CA10: variants seen among roughly 807,000 people sequenced by gnomAD.
The protein encoded by CA10 is carbonic anhydrase-related protein 10.
In CA10, 14 loss-of-function variants were observed where a neutral mutation model predicts 44.2. That is an observed-to-expected ratio of 0.32 (90% CI 0.21 to 0.50). The LOEUF is 0.50. Ranked by LOEUF, CA10 falls within the 20% of genes least tolerant of loss-of-function variation. The pLI is 0.99. For missense variants in CA10, 350 were observed against 409.7 expected (o/e 0.85, Z 1.26); for synonymous variants, 159 against 141.6 (o/e 1.12, Z -0.87).
At chr17:51,839,429 C>G (rs1015799359) in intron 3 of CA10, among the ~76,000 whole-genome samples, 1 of 129,806 alleles carries the variant, frequency 7.7e-6, no homozygotes, top group South Asian at 2.6e-4. Context: ...GGAGGCGGAG[C>G]TTGCAGTGAG....
intron 1 of CA10, among the ~76,000 whole-genome samples, chr17:52,083,839 A>C (rs1988047718): frequency 6.6e-6 from 1 of 152,034 alleles, no homozygotes. Flanking sequence ...TTGATTCCAT[A>C]TCTTTGCTAT....
intron 6 of CA10, among the ~76,000 whole-genome samples, chr17:51,642,976 T>C (rs2143243176): frequency 6.6e-6 from 1 of 152,216 alleles, no homozygotes; most frequent in Non-Finnish European, 1.5e-5. Context: ...TTTGTGATCG[T>C]TTGGATTCTT....
chr17:51,969,281 A>G (rs955649113), intron 2 of CA10, among the ~76,000 whole-genome samples: 9 of 152,012 alleles, frequency 5.9e-5, no homozygotes, highest in Non-Finnish European at 1.0e-4. Flanking sequence ...GATGCTTTAC[A>G]TATGCCACCA....
At chr17:51,675,563 A>AT (rs1239513150) in intron 4 of CA10, among the ~76,000 whole-genome samples, 1 of 150,944 alleles carries the variant, frequency 6.6e-6, no homozygotes, top group East Asian at 1.9e-4. Flanking sequence ...AAAAAAAAAA[A>AT]AAATTAGCCA....
rs529708029 is a variant in CA10 at position 52,056,672 on chromosome 17, T to C, written c.136+15647A>G. Among the ~76,000 whole-genome samples, 8 of 151,924 alleles carry C rather than the reference T, an allele frequency of 5.3e-5. No homozygotes were observed. In the South Asian group the frequency reaches 1.5e-3, roughly 28 times the overall value. ...AGTTATAGTCTTCCTGTCTTTGATT[T>C]TCTTCTGCTTGACAAAAAGGAATAA... On this transcript the variant is annotated intron_variant, in intron 2 of 8. Coordinates refer to ENST00000451037, the MANE Select transcript of CA10 (RefSeq NM_020178.5).
chr17:51,721,482 G>C (rs949219482), intron 4 of CA10, among the ~76,000 whole-genome samples: 1 of 151,796 alleles, frequency 6.6e-6, no homozygotes. Context: ...TTACACAGGC[G>C]CCTGCCACCA....
Position 51,920,354 on chromosome 17 carries a change from G to A in CA10, c.279+10636C>T, listed in dbSNP as rs537713376. 6.6e-5 allele frequency among the ~76,000 whole-genome samples: 10 copies of A among 152,004 alleles called. No individual in the cohort carries two copies. In the South Asian group the frequency reaches 2.1e-3, roughly 32 times the overall value. On this transcript the variant is annotated intron_variant, in intron 3 of 8. Transcript: ENST00000451037. Reference sequence around the variant, plus strand: ...AAGAAGGACAGGGAAAGAGACACAGGGAAATGATGAAAGGGAGGGAGGAGG... The same window carrying A: ...AAGAAGGACAGGGAAAGAGACACAGAGAAATGATGAAAGGGAGGGAGGAGG...
At chr17:52,042,894 T>A (rs1986810883) in intron 2 of CA10, among the ~76,000 whole-genome samples, 3 of 152,068 alleles carry the variant, frequency 2.0e-5, no homozygotes, top group Admixed American at 2.0e-4. Context: ...TTATCAAAGA[T>A]GCGTTGAGTG....
intron 3 of CA10, among the ~76,000 whole-genome samples, chr17:51,883,297 A>G (rs1980458527): frequency 6.6e-6 from 1 of 151,786 alleles, no homozygotes; most frequent in African/African-American, 2.4e-5. Context: ...CTCTGTGTAT[A>G]CTCAATGTTC....
intron 1 of CA10, among the ~76,000 whole-genome samples, chr17:52,096,570 C>T (rs1439857208): frequency 6.6e-6 from 1 of 152,148 alleles, no homozygotes; most frequent in Non-Finnish European, 1.5e-5. Flanking sequence ...AGAATTACTA[C>T]ATATCAGATT....
At chr17:51,633,337 C>T (rs769214416) in intron 8 of CA10, 139 bp downstream of exon 8, 4 of 832,756 alleles carry the variant, frequency 4.8e-6, no homozygotes, top group Non-Finnish European at 7.4e-6. Flanking sequence ...CATCACCATG[C>T]AAATGGAGTG....
intron 3 of CA10, among the ~76,000 whole-genome samples, chr17:51,801,278 A>G (rs753222315): frequency 3.3e-5 from 5 of 152,274 alleles, no homozygotes; most frequent in African/African-American, 4.8e-5. Context: ...ACTAACGGAC[A>G]ATAGGATGCA....
chr17:51,681,396 G>A (rs927058324), intron 4 of CA10, among the ~76,000 whole-genome samples: 1 of 152,130 alleles, frequency 6.6e-6, no homozygotes, highest in African/African-American at 2.4e-5. Flanking sequence ...AAAATTAGAG[G>A]GGAACCAATT....
At chr17:51,860,493 G>T (rs1979254854) in intron 3 of CA10, among the ~76,000 whole-genome samples, 1 of 152,204 alleles carries the variant, frequency 6.6e-6, no homozygotes. Flanking sequence ...ATTCCATGCT[G>T]CAGATATGCA....
chr17:51,965,966 C>T (rs1984063458), intron 2 of CA10, among the ~76,000 whole-genome samples: 1 of 151,862 alleles, frequency 6.6e-6, no homozygotes, highest in Non-Finnish European at 1.5e-5. Flanking sequence ...ACCTATAAAA[C>T]CCTAAAGACT....
intron 2 of CA10, among the ~76,000 whole-genome samples, chr17:52,061,938 G>A (rs555698360): frequency 6.6e-6 from 1 of 152,124 alleles, no homozygotes; most frequent in East Asian, 1.9e-4. Flanking sequence ...AAACTTACTG[G>A]CTTATCAAAG....
At chr17:51,915,890 C>T (rs1276497595) in intron 3 of CA10, among the ~76,000 whole-genome samples, 3 of 151,644 alleles carry the variant, frequency 2.0e-5, no homozygotes, top group African/African-American at 4.8e-5. Flanking sequence ...GCTAGTAATA[C>T]GTCGAATTGA....
At chr17:51,677,942 C>A (rs1431916981) in intron 4 of CA10, among the ~76,000 whole-genome samples, 1 of 151,516 alleles carries the variant, frequency 6.6e-6, no homozygotes, top group African/African-American at 2.4e-5. Context: ...AAACTGTACA[C>A]CCATGTTCAC....
At chr17:51,756,593 C>T (rs1905088032) in intron 3 of CA10, among the ~76,000 whole-genome samples, 1 of 151,662 alleles carries the variant, frequency 6.6e-6, no homozygotes, top group Admixed American at 6.6e-5. Flanking sequence ...CTTCAGCCTC[C>T]GGAGTAGCTG....
Sources: allele counts gnomAD v4.1 joint callset (sites outside exome capture counted in the v4.1 genomes callset), GRCh38; gene constraint gnomAD v4.1.1; transcripts MANE v1.5; gene names NCBI Gene and HGNC (gene_info 2026-07-23, HGNC 2026-07-21).